Variants in RMI2 observed in about 807,000 individuals in gnomAD.
RMI2 encodes recQ-mediated genome instability protein 2.
A neutral mutation model predicts 8.4 loss-of-function variants in RMI2; 11 were observed. The observed-to-expected ratio is 1.32, with a 90% confidence interval of 0.83 to 2.18. The LOEUF is 2.18. Ranked by LOEUF, RMI2 falls within the 30% of genes most tolerant of loss-of-function variation. RMI2 has a pLI of 0.00. For synonymous variants in RMI2, 105 were observed against 93.8 expected (o/e 1.12, Z -0.69); for missense variants, 253 against 207.5 (o/e 1.22, Z -1.35).
rs145993512 is a variant in RMI2 at position 11,351,063 on chromosome 16, TTC to T, written c.*288_*289del. On this transcript the variant is annotated 3_prime_UTR_variant, in exon 2 of 2. Coordinates refer to ENST00000312499, the MANE Select transcript of RMI2 (RefSeq NM_152308.3). ...TTCCTTCCTGGTTTGTGTGTGTTAA[TTC>T]TCTCTCTCTCTCTCAGACACAGAAG... 3,797 of 295,802 alleles carry T rather than the reference TTC, an allele frequency of 0.013. 10 individuals carry two copies. Among genetic ancestry groups the T allele is most frequent in the South Asian group, 0.018 (230 of 13,110 alleles). The allele number at this position is 295,802 out of a possible 1,614,324, so 18.3% of individuals were successfully genotyped here.
chr16:11,346,749 T>C (rs544609938), intron 1 of RMI2, among the ~76,000 whole-genome samples: 4 of 152,166 alleles, frequency 2.6e-5, no homozygotes, highest in Admixed American at 2.0e-4. Flanking sequence ...CTGGGGACCA[T>C]ACTTTCGACT....
In RMI2 at chr16:11,349,476, C is replaced by T. The variant is rs112218267; in HGVS notation, c.296-1166C>T. Among the ~76,000 whole-genome samples, 10 of 152,292 alleles carry T rather than the reference C, an allele frequency of 6.6e-5. No individual in the cohort carries two copies. The highest frequency in any genetic ancestry group is 1.2e-4 in the African/African-American group (5 of 41,548). On this transcript the variant is annotated intron_variant, in intron 1 of 1. Transcript: ENST00000312499. The surrounding 1 kb of genome is among the most constrained non-coding windows in gnomAD (Gnocchi z 4.2). ...CAGTAGAGCTCCTGTTCCCCTCTCC[C>T]GGTTGGAATGCCCTTGGGCTTGTTT...
At chr16:11,346,101 C>G (rs189817364) in intron 1 of RMI2, among the ~76,000 whole-genome samples, 79 of 152,322 alleles carry the variant, frequency 5.2e-4, no homozygotes, top group African/African-American at 1.8e-3. Flanking sequence ...TTGGGAAATA[C>G]TGTCCTGGGA....
At chr16:11,348,349 TTTGCAGGCAAAGCACC>T (rs2070912484) in intron 1 of RMI2, 1 of 152,226 alleles carries the variant, frequency 6.6e-6, no homozygotes, top group African/African-American at 2.4e-5. Flanking sequence ...GGTGTGTTGG[TTTGCAGGCAAAGCACC>T]TTGCAGGCAG....
At position 11,345,566 on chromosome 16, in the gene RMI2, G is replaced by A; in HGVS notation, c.95G>A (p.Arg32His). ...PLKVLAEQLR[R>H]DAEGGPGAWR... is the part of the protein sequence containing the mutation. ...AAGGTGCTGGCGGAGCAGCTGCGGCGCGACGCGGAGGGCGGCCCGGGCGCG... is the reference window on the plus strand; with the variant it reads ...AAGGTGCTGGCGGAGCAGCTGCGGCACGACGCGGAGGGCGGCCCGGGCGCG... The change falls in exon 1 of 2, where the codon CGC becomes CAC. Residue 32 changes from arginine (R) to histidine (H), a missense_variant. Transcript: ENST00000312499. 1.6e-6 allele frequency: 2 copies of A among 1,228,794 alleles called. No individual in the cohort carries two copies. The highest frequency in any genetic ancestry group is 3.1e-4 in the Middle Eastern group (1 of 3,190). The allele number at this position is 1,228,794 out of a possible 1,614,324, so 76.1% of individuals were successfully genotyped here.
At chr16:11,346,755 C>T (rs1311962733) in intron 1 of RMI2, among the ~76,000 whole-genome samples, 4 of 152,178 alleles carry the variant, frequency 2.6e-5, no homozygotes, top group African/African-American at 4.8e-5. Flanking sequence ...ACCATACTTT[C>T]GACTTTTTAA....
intron 1 of RMI2, among the ~76,000 whole-genome samples, chr16:11,346,675 G>A (rs901630582): frequency 6.6e-6 from 1 of 152,228 alleles, no homozygotes; most frequent in Non-Finnish European, 1.5e-5. Context: ...TGAGTCAGGA[G>A]GTCCAGGTGG....
At position 11,350,752 on chromosome 16, in the gene RMI2, G is replaced by A. The variant is rs148020933; in HGVS notation, c.406G>A (p.Glu136Lys). ...SDNPIHESMW[E>K]LEVEDLHRNI... Reference sequence around the variant, plus strand: ...TAATCCCATCCATGAAAGTATGTGGGAACTGGAGGTAGAAGATTTACACAG... The same window carrying A: ...TAATCCCATCCATGAAAGTATGTGGAAACTGGAGGTAGAAGATTTACACAG... Residue 136 changes from glutamate (E) to lysine (K), a missense_variant, in exon 2 of 2, where the codon GAA becomes AAA. Glu to Lys is a moderately conservative substitution (Grantham distance 56). Coordinates refer to ENST00000312499, the MANE Select transcript of RMI2 (RefSeq NM_152308.3). 149 of 1,613,270 alleles carry A rather than the reference G, an allele frequency of 9.2e-5. No individual in the cohort carries two copies. The Middle Eastern group carries it at 1.2e-3, about 13-fold the overall frequency.
intron 1 of RMI2, among the ~76,000 whole-genome samples, chr16:11,346,387 G>A (rs1319588821): frequency 6.6e-6 from 1 of 151,782 alleles, no homozygotes; most frequent in Admixed American, 6.6e-5. Context: ...AGCCTCCCGA[G>A]TAGCTGGGAT....
chr16:11,350,632 C>G lies in RMI2; in HGVS notation c.296-10C>G. On this transcript the variant is annotated splice_polypyrimidine_tract_variant and intron_variant, in intron 1 of 1. Coordinates refer to ENST00000312499, the MANE Select transcript of RMI2 (RefSeq NM_152308.3). ...AAGAACATTACTATGGGCTTTTCTT[C>G]TTTTTCTAGGAAAGTATGTGATGGT... 1 of 1,536,742 alleles carries G rather than the reference C, an allele frequency of 6.5e-7. No homozygotes were observed. Among genetic ancestry groups the G allele is most frequent in the Non-Finnish European group, 8.7e-7 (1 of 1,146,634 alleles).
chr16:11,347,306 C>G (rs1001353821), intron 1 of RMI2, among the ~76,000 whole-genome samples: 1 of 152,146 alleles, frequency 6.6e-6, no homozygotes, highest in Admixed American at 6.5e-5. Flanking sequence ...AGCTCCCTCT[C>G]CTGGGAAATC....
Position 11,345,468 on chromosome 16 carries a change from C to A in RMI2, c.-4C>A, listed in dbSNP as rs913182911. ...GGCGGGGCGGAAGGGTGCGGCGAGG[C>A]GGAATGGCGGCGGCTGCGGACTCGT... On this transcript the variant is annotated 5_prime_UTR_variant, in exon 1 of 2. Coordinates refer to ENST00000312499, the MANE Select transcript of RMI2 (RefSeq NM_152308.3). 7 of 1,300,580 alleles carry A rather than the reference C, an allele frequency of 5.4e-6. No individual in the cohort carries two copies. In the South Asian group the frequency reaches 9.3e-5, roughly 17 times the overall value. The allele number at this position is 1,300,580 out of a possible 1,614,324, so 80.6% of individuals were successfully genotyped here.
chr16:11,345,480 G>GGCT lies in RMI2; in HGVS notation c.12_14dup (p.Ala5dup), dbSNP rs2070846525. The GGCT allele has an allele frequency of 3.1e-6, 4 of 1,311,074 alleles. No individual in the cohort carries two copies. Among genetic ancestry groups the GGCT allele is most frequent in the East Asian group, 3.1e-5 (1 of 32,166 alleles). The allele number at this position is 1,311,074 out of a possible 1,614,324, so 81.2% of individuals were successfully genotyped here. A position where few individuals can be genotyped will look rare whatever the true frequency, so the allele number is the denominator to read the frequency against. ...GGGTGCGGCGAGGCGGAATGGCGGC[G>GGCT]GCTGCGGACTCGTTCTCAGGCGGCC... On this transcript the variant is annotated inframe_insertion, in exon 1 of 2. Transcript: ENST00000312499.
At chr16:11,345,894 G>C (rs994550812) in intron 1 of RMI2, 128 bp downstream of exon 1, 51 of 712,774 alleles carry the variant, frequency 7.2e-5, no homozygotes, top group Non-Finnish European at 8.7e-5. Context: ...CCGGGCCTCT[G>C]CCCCTGCGGG....
chr16:11,345,807 C>T (rs771001046), intron 1 of RMI2, 41 bp downstream of exon 1: 61 of 1,223,916 alleles, frequency 5.0e-5, no homozygotes, highest in Middle Eastern at 5.9e-4. Context: ...TCCCTGCTGC[C>T]CGCCGAGAAG....
chr16:11,346,255 C>CTTTTTTTTT (rs34808246), intron 1 of RMI2, among the ~76,000 whole-genome samples: 4 of 115,932 alleles, frequency 3.5e-5, no homozygotes, highest in Admixed American at 9.0e-5. Flanking sequence ...TGCCTCCTCT[C>CTTTTTTTTT]TTTTTTTTTT....
At chr16:11,350,615 T>G in intron 1 of RMI2, 27 bp from the exon 2 acceptor site, 14 of 1,495,600 alleles carry the variant, frequency 9.4e-6, no homozygotes, top group Non-Finnish European at 1.3e-5. Context: ...AAAAGAACAT[T>G]ACTATGGGCT....
In RMI2 at chr16:11,345,698, A is replaced by T; in HGVS notation, c.227A>T (p.Asp76Val). ...MADRGEARLRDPSGDFSVRGL... is the reference protein window; with the variant it reads ...MADRGEARLRVPSGDFSVRGL... ...GACCGCGGCGAGGCTCGGCTGAGGG[A>T]CCCGAGCGGGGACTTCTCGGTCCGC... The change falls in exon 1 of 2, where the codon GAC (aspartate) becomes GTC (valine). Residue 76 changes from aspartate (D) to valine (V), a missense_variant. Asp to Val is a radical substitution (Grantham distance 152). Transcript: ENST00000312499. The T allele has an allele frequency of 6.3e-6, 8 of 1,264,994 alleles. No homozygotes were observed. The highest frequency in any genetic ancestry group is 7.9e-6 in the Non-Finnish European group (8 of 1,007,248). The allele number at this position is 1,264,994 out of a possible 1,614,324, so 78.4% of individuals were successfully genotyped here. A position where few individuals can be genotyped will look rare whatever the true frequency, so the allele number is the denominator to read the frequency against.
chr16:11,347,905 C>T lies in RMI2; in HGVS notation c.295+2139C>T, dbSNP rs547305317. Among the ~76,000 whole-genome samples, 16 of 152,266 alleles carry T rather than the reference C, an allele frequency of 1.1e-4. 1 individual carries two copies. In the South Asian group the frequency reaches 1.7e-3, roughly 16 times the overall value. ...AAGCGATTCTCATGCCTCAGCCTCC[C>T]GAGTAGCTGGGATTACAGGTGTGCA... On this transcript the variant is annotated intron_variant, in intron 1 of 1. Coordinates refer to ENST00000312499, the MANE Select transcript of RMI2 (RefSeq NM_152308.3).
Sources: gnomAD v4.1 joint callset for allele counts (sites outside exome capture counted in the v4.1 genomes callset) on GRCh38, gnomAD v4.1.1 for gene constraint, Gnocchi (gnomAD v3.1) non-coding constraint, MANE v1.5 for transcripts, NCBI Gene and HGNC (gene_info 2026-07-23, HGNC 2026-07-21) for gene names.